MYRIP: variants seen among roughly 807,000 people sequenced by gnomAD.
MYRIP encodes rab effector MyRIP.
In MYRIP, 49 loss-of-function variants were observed where a neutral mutation model predicts 98.0. The observed-to-expected ratio is 0.50, with a 90% CI of 0.40 to 0.63. The LOEUF is 0.63. Among genes scored for constraint, MYRIP ranks in the 30% least tolerant of loss-of-function variants. The probability of loss-of-function intolerance (pLI) is 0.00; values close to 1 mark genes in which losing one functional copy is unlikely to be tolerated. For synonymous variants in MYRIP, 404 were observed against 409.5 expected (o/e 0.99, Z 0.16); for missense variants, 1,004 against 1,058.2 (o/e 0.95, Z 0.71).
intron 1 of MYRIP, among the ~76,000 whole-genome samples, chr3:39,837,901 G>GT (rs1413382445): frequency 6.6e-6 from 1 of 152,108 alleles, no homozygotes; most frequent in Admixed American, 6.5e-5. Flanking sequence ...TTGAACAGTG[G>GT]TTTGTAGTTC....
chr3:40,125,036 G>T (rs1222124084), intron 3 of MYRIP, among the ~76,000 whole-genome samples: 1 of 152,174 alleles, frequency 6.6e-6, no homozygotes, highest in African/African-American at 2.4e-5. Flanking sequence ...TAAAGTGCTT[G>T]CCCCACAGGG....
chr3:39,953,620 C>G (rs921054057), intron 2 of MYRIP, among the ~76,000 whole-genome samples: 3 of 152,134 alleles, frequency 2.0e-5, no homozygotes, highest in African/African-American at 7.2e-5. Context: ...GTGAGCGACA[C>G]AGAAGACGGG....
At chr3:39,967,270 T>A (rs1436503060) in intron 2 of MYRIP, among the ~76,000 whole-genome samples, 1 of 152,166 alleles carries the variant, frequency 6.6e-6, no homozygotes, top group Non-Finnish European at 1.5e-5. Context: ...TAGATCCCAG[T>A]GTCTGTTGTT....
At chr3:40,135,699 G>A (rs1039046279) in intron 3 of MYRIP, among the ~76,000 whole-genome samples, 5 of 152,202 alleles carry the variant, frequency 3.3e-5, no homozygotes, top group African/African-American at 1.2e-4. Flanking sequence ...CAGAAACTCT[G>A]CAAGCCAGAA....
At chr3:39,927,303 G>T (rs541274428) in intron 2 of MYRIP, among the ~76,000 whole-genome samples, 1 of 151,982 alleles carries the variant, frequency 6.6e-6, no homozygotes, top group East Asian at 1.9e-4. Context: ...TTTCCTATGT[G>T]GATACCTTTT....
intron 3 of MYRIP, among the ~76,000 whole-genome samples, chr3:40,050,111 C>G (rs1947758990): frequency 6.6e-6 from 1 of 152,164 alleles, no homozygotes; most frequent in Non-Finnish European, 1.5e-5. Flanking sequence ...TCCAGAAGAT[C>G]TAGCTAAGAT....
intron 10 of MYRIP, among the ~76,000 whole-genome samples, chr3:40,192,328 C>CATATATATATATATGTGTCAT (rs372192317): frequency 2.6e-5 from 1 of 37,844 alleles, no homozygotes; most frequent in African/African-American, 2.2e-4. Flanking sequence ...ATATATATGT[C>CATATATATATATATGTGTCAT]ATATATATAT....
At chr3:40,147,998 A>C (rs2125569925) in intron 3 of MYRIP, among the ~76,000 whole-genome samples, 1 of 152,282 alleles carries the variant, frequency 6.6e-6, no homozygotes, top group African/African-American at 2.4e-5. Context: ...CCAGAAAGCA[A>C]TCTTACATGT....
At chr3:40,224,158 A>G (rs9882886) in intron 11 of MYRIP, among the ~76,000 whole-genome samples, 8,046 of 152,130 alleles carry the variant, frequency 0.053, 684 homozygotes, top group African/African-American at 0.18. Flanking sequence ...CCATGCAGAA[A>G]GCTTCGGTTT....
At chr3:39,913,010 A>C (rs955881558) in intron 2 of MYRIP, among the ~76,000 whole-genome samples, 3 of 151,758 alleles carry the variant, frequency 2.0e-5, no homozygotes, top group Admixed American at 1.3e-4. Context: ...ACTGCACTCC[A>C]GCCTGGGTGA....
intron 15 of MYRIP, among the ~76,000 whole-genome samples, chr3:40,251,004 G>C (rs9831041): frequency 0.47 from 70,982 of 152,130 alleles, 17,663 homozygotes; most frequent in Non-Finnish European, 0.57. Context: ...GGATCTGTTG[G>C]AATATGCTGG....
At chr3:39,917,412 G>A (rs1944188247) in intron 2 of MYRIP, among the ~76,000 whole-genome samples, 1 of 140,098 alleles carries the variant, frequency 7.1e-6, no homozygotes. Context: ...CAAAACTACT[G>A]GGTTTATCTA....
At chr3:40,238,893 ATTTT>A (rs1407428908) in intron 12 of MYRIP, among the ~76,000 whole-genome samples, 1 of 152,048 alleles carries the variant, frequency 6.6e-6, no homozygotes, top group Non-Finnish European at 1.5e-5. Context: ...TGGCATGGGT[ATTTT>A]TTTATTTTTA....
chr3:40,190,195 T>C lies in MYRIP; in HGVS notation c.1397T>C (p.Val466Ala). ...TCCTCCGCAGGCTCTTCCCGAGAAG[T>C]TGGGCACCAGGCCAGACTGTCCTGG... ...ETSSAGSSRE[V>A]GHQARLSWLQ... Residue 466 changes from valine (V) to alanine (A), a missense_variant, in exon 10 of 17, where the codon GTT becomes GCT. Around this residue, in one of 3 missense-constraint regions of MYRIP, gnomAD observed 880 missense variants for 907.7 expected, o/e 0.97. Transcript: ENST00000302541. 2 of 1,613,588 alleles carry C rather than the reference T, an allele frequency of 1.2e-6. No individual in the cohort carries two copies. The highest frequency in any genetic ancestry group is 2.2e-5 in the East Asian group (1 of 44,818).
rs373640295 is a variant in MYRIP, at chr3:39,924,576, CAGGG to C, written c.110+23653_110+23656del. Among the ~76,000 whole-genome samples, 66 of 152,078 alleles carry C rather than the reference CAGGG, an allele frequency of 4.3e-4. 1 individual carries two copies. The highest frequency in any genetic ancestry group is 1.5e-3 in the African/African-American group (63 of 41,502). ...CTCTCCCAACAACCGATAGAACAAA[CAGGG>C]AGATAATCAACAAGGATGTAGAAAA... is the stretch of plus-strand genomic sequence containing the variant. On this transcript the variant is annotated intron_variant, in intron 2 of 16. Coordinates refer to ENST00000302541, the MANE Select transcript of MYRIP (RefSeq NM_015460.4).
chr3:39,979,366 C>T (rs962180240), intron 2 of MYRIP, among the ~76,000 whole-genome samples: 8 of 152,070 alleles, frequency 5.3e-5, no homozygotes, highest in African/African-American at 9.7e-5. Context: ...TGGCCAGGCA[C>T]GGTGGCTCAT....
chr3:40,007,367 G>A (rs954795521), intron 2 of MYRIP, among the ~76,000 whole-genome samples: 1 of 151,766 alleles, frequency 6.6e-6, no homozygotes, highest in African/African-American at 2.4e-5. Flanking sequence ...CACACATGGA[G>A]AATCCTTTCT....
At chr3:40,005,237 T>C (rs1173845784) in intron 2 of MYRIP, among the ~76,000 whole-genome samples, 2 of 152,208 alleles carry the variant, frequency 1.3e-5, no homozygotes, top group East Asian at 1.9e-4. Flanking sequence ...TTCCACACTT[T>C]GTGTGTCTTG....
chr3:39,964,119 G>A (rs902956303), intron 2 of MYRIP, among the ~76,000 whole-genome samples: 1 of 151,946 alleles, frequency 6.6e-6, no homozygotes, highest in Non-Finnish European at 1.5e-5. Context: ...GTCACCTGAT[G>A]CATTTAAAAT....
Sources: allele counts gnomAD v4.1 joint callset (sites outside exome capture counted in the v4.1 genomes callset), GRCh38; gene constraint gnomAD v4.1.1; regional missense constraint gnomAD v4.1.1; transcripts MANE v1.5; gene names NCBI Gene and HGNC (gene_info 2026-07-23, HGNC 2026-07-21).